The following CARM1 variants were observed in gnomAD, a reference collection of about 807,000 sequenced individuals.
CARM1 encodes the protein histone-arginine methyltransferase CARM1.
Under a neutral mutation model 72.7 loss-of-function variants are expected in CARM1, and 14 were observed. That is an observed-to-expected ratio of 0.19 (90% CI 0.13 to 0.30). The LOEUF is 0.30. Among genes scored for constraint, CARM1 ranks in the 10% least tolerant of loss-of-function variants. The pLI is 1.00. For synonymous variants in CARM1, 333 were observed against 345.5 expected (o/e 0.96, Z 0.40); for missense variants, 432 against 833.7 (o/e 0.52, Z 5.93).
chr19:10,910,435 T>C (rs994447984), intron 4 of CARM1, among the ~76,000 whole-genome samples: 1 of 151,036 alleles, frequency 6.6e-6, no homozygotes, highest in Non-Finnish European at 1.5e-5. Flanking sequence ...GAGCCGAGAT[T>C]GTGCCACTGC....
intron 8 of CARM1, among the ~76,000 whole-genome samples, chr19:10,918,291 T>C (rs1317849914): frequency 6.6e-6 from 1 of 152,096 alleles, no homozygotes; most frequent in Non-Finnish European, 1.5e-5. Context: ...CTCAATCACT[T>C]CATGGCTTAC....
chr19:10,905,403 T>G (rs375803439), intron 2 of CARM1, among the ~76,000 whole-genome samples: 44,067 of 151,862 alleles, frequency 0.29, 6,435 homozygotes, highest in East Asian at 0.37. Context: ...GGGCCAGCTG[T>G]GGATGGAGTG....
At chr19:10,877,050 A>G (rs1240356837) in intron 1 of CARM1, among the ~76,000 whole-genome samples, 1 of 152,136 alleles carries the variant, frequency 6.6e-6, no homozygotes, top group Non-Finnish European at 1.5e-5. Flanking sequence ...CCTTTGTCCA[A>G]AGAAGGTGAA....
intron 1 of CARM1, among the ~76,000 whole-genome samples, chr19:10,893,231 T>A (rs1426027202): frequency 6.6e-6 from 1 of 151,580 alleles, no homozygotes; most frequent in African/African-American, 2.4e-5. Flanking sequence ...GAGACGGGGT[T>A]TCACCATGTT....
In CARM1 at chr19:10,916,920, T is replaced by A; in HGVS notation, c.1020+143T>A. 1.6e-6 allele frequency: 1 copy of A among 613,840 alleles called. No homozygotes were observed. Among genetic ancestry groups the A allele is most frequent in the Non-Finnish European group, 2.9e-6 (1 of 344,562 alleles). 38.0% of individuals were successfully genotyped at this position (613,840 alleles called of 1,614,324 possible). On this transcript the variant is annotated intron_variant, in intron 8 of 15. Transcript: ENST00000327064. This position sits in a 1 kb window ranked among gnomAD's most constrained non-coding sequence, Gnocchi z 4.4. The stretch of plus-strand genomic sequence containing the variant: ...CTCACAGAGATTTGGGCCAAAAGTG[T>A]CAATGCATGTAGACACTTAGCACAC...
intron 1 of CARM1, among the ~76,000 whole-genome samples, chr19:10,887,801 C>T (rs1450540446): frequency 6.6e-6 from 1 of 152,174 alleles, no homozygotes; most frequent in African/African-American, 2.4e-5. Context: ...AGCCCCAGGG[C>T]AGCTTCTCCC....
At chr19:10,892,892 C>G (rs1166583186) in intron 1 of CARM1, among the ~76,000 whole-genome samples, 3 of 152,032 alleles carry the variant, frequency 2.0e-5, no homozygotes, top group Admixed American at 6.6e-5. Flanking sequence ...GCCACCATGT[C>G]TGGCTAATTT....
intron 1 of CARM1, among the ~76,000 whole-genome samples, chr19:10,901,527 G>A (rs2074065557): frequency 6.6e-6 from 1 of 151,992 alleles, no homozygotes; most frequent in African/African-American, 2.4e-5. Flanking sequence ...GTCTTACTAT[G>A]TTGCCCAGGC....
At chr19:10,886,011 C>T (rs913544183) in intron 1 of CARM1, among the ~76,000 whole-genome samples, 5 of 149,320 alleles carry the variant, frequency 3.3e-5, no homozygotes, top group African/African-American at 7.4e-5. Context: ...GTAGCTGGGA[C>T]GGCAGGTGGC....
intron 1 of CARM1, among the ~76,000 whole-genome samples, chr19:10,893,618 G>A (rs1472283497): frequency 1.3e-5 from 2 of 152,222 alleles, no homozygotes; most frequent in African/African-American, 4.8e-5. Flanking sequence ...GATTACAGGC[G>A]TGAGCCACCG....
At chr19:10,917,938 C>G (rs1467077497) in intron 8 of CARM1, among the ~76,000 whole-genome samples, 1 of 152,112 alleles carries the variant, frequency 6.6e-6, no homozygotes, top group Non-Finnish European at 1.5e-5. Context: ...TCTGAAACTC[C>G]TGACCTTAGG....
intron 8 of CARM1, 124 bp from the exon 9 acceptor site, chr19:10,919,471 G>A (rs2074223199): frequency 2.8e-6 from 2 of 703,268 alleles, no homozygotes; most frequent in Non-Finnish European, 4.9e-6. Flanking sequence ...TGTCTGGGAA[G>A]AGCAAGCTCG....
chr19:10,919,347 C>T (rs1435581031), intron 8 of CARM1: 2 of 498,532 alleles, frequency 4.0e-6, no homozygotes, highest in Non-Finnish European at 7.1e-6. Flanking sequence ...GTTCATGTAT[C>T]TGGAGGTTAA....
intron 8 of CARM1, among the ~76,000 whole-genome samples, chr19:10,917,663 A>G (rs1031253652): frequency 6.8e-6 from 1 of 147,234 alleles, no homozygotes; most frequent in African/African-American, 2.5e-5. Context: ...ATCTCAGATG[A>G]TTGTTATACT....
intron 1 of CARM1, among the ~76,000 whole-genome samples, chr19:10,878,457 C>T (rs926847643): frequency 6.6e-6 from 1 of 152,102 alleles, no homozygotes; most frequent in Non-Finnish European, 1.5e-5. Context: ...AATTGTGGCG[C>T]TTACTGTATG....
chr19:10,882,122 A>C (rs1036427446), intron 1 of CARM1, among the ~76,000 whole-genome samples: 1 of 152,120 alleles, frequency 6.6e-6, no homozygotes, highest in South Asian at 2.1e-4. Context: ...CTTGGCTGTC[A>C]GTTGTGGATC....
intron 1 of CARM1, among the ~76,000 whole-genome samples, chr19:10,875,667 G>A (rs934816982): frequency 2.0e-5 from 3 of 151,908 alleles, no homozygotes; most frequent in East Asian, 1.9e-4. Flanking sequence ...CTCGTGATCT[G>A]CCCACCTTGG....
intron 1 of CARM1, among the ~76,000 whole-genome samples, chr19:10,895,015 G>T (rs1275390979): frequency 6.6e-6 from 1 of 152,084 alleles, no homozygotes. Context: ...AAAGTGTTAG[G>T]ATTACAGGCG....
rs1229466317 is a variant in CARM1, at chr19:10,871,643, G to GGCGGCGGCGGCGGCA, written c.-52_-51insGGCGGCAGCGGCGGC. 4.3e-4 allele frequency: 61 copies of GGCGGCGGCGGCGGCA among 142,110 alleles called. No homozygotes were observed. Among genetic ancestry groups the GGCGGCGGCGGCGGCA allele is most frequent in the African/African-American group, 2.0e-3 (56 of 27,434 alleles). The allele number at this position is 142,110 out of a possible 1,614,324, so 8.8% of individuals were successfully genotyped here. On this transcript the variant is annotated 5_prime_UTR_variant, in exon 1 of 16. Transcript: ENST00000327064. The surrounding 1 kb of genome is among the most constrained non-coding windows in gnomAD (Gnocchi z 5.6). ...CGGCGGCGGCGGCGGCGGCGGCAGCGGCGGCGGCCTGGGCCCGGGCGCAGC... is the reference window on the plus strand; with the variant it reads ...CGGCGGCGGCGGCGGCGGCGGCAGCGGCGGCGGCGGCGGCAGCGGCGGCCTGGGCCCGGGCGCAGC...
Sources: allele counts gnomAD v4.1 joint callset (sites outside exome capture counted in the v4.1 genomes callset), GRCh38; gene constraint gnomAD v4.1.1; non-coding constraint Gnocchi (gnomAD v3.1); transcripts MANE v1.5; gene names NCBI Gene and HGNC (gene_info 2026-07-23, HGNC 2026-07-21).